The following TTLL11 variants were observed in gnomAD, a reference collection of about 807,000 sequenced individuals.
The protein encoded by TTLL11 is tubulin polyglutamylase TTLL11.
In TTLL11, 42 loss-of-function variants were observed where a neutral mutation model predicts 51.7. That is an observed-to-expected ratio of 0.81 (90% CI 0.64 to 1.05). TTLL11 has a LOEUF of 1.05. Among genes scored for constraint, TTLL11 ranks in the 50% least tolerant of loss-of-function variants. TTLL11 has a pLI of 0.00. For synonymous variants in TTLL11, 381 were observed against 383.5 expected (o/e 0.99, Z 0.08); for missense variants, 799 against 940.4 (o/e 0.85, Z 1.97).
chr9:121,978,708 G>A (rs946174187), intron 4 of TTLL11, among the ~76,000 whole-genome samples: 5 of 152,092 alleles, frequency 3.3e-5, no homozygotes, highest in East Asian at 3.9e-4. Flanking sequence ...CTTCATTCCC[G>A]ACCTCTAGAA....
In TTLL11 at chr9:121,899,365, G is replaced by GTGTATATATATACATATATA. The variant is rs1226221957; in HGVS notation, c.1482-28618_1482-28617insTATATATGTATATATATACA. Among the ~76,000 whole-genome samples the GTGTATATATATACATATATA allele has an allele frequency of 5.8e-3, 647 of 112,332 alleles. 10 individuals are homozygous for GTGTATATATATACATATATA. The highest frequency in any genetic ancestry group is 7.9e-3 in the Non-Finnish European group (434 of 55,024). 73.7% of individuals were successfully genotyped at this position (112,332 alleles called of 152,430 possible). On this transcript the variant is annotated intron_variant, in intron 6 of 8. Coordinates refer to ENST00000321582, the MANE Select transcript of TTLL11 (RefSeq NM_001139442.2). ...TCTGTGTGTGTGTGTATGTGTGTGTGTATATATATATACATATATATATAT... is the reference window on the plus strand; with the variant it reads ...TCTGTGTGTGTGTGTATGTGTGTGTGTGTATATATATACATATATATATATATATATACATATATATATAT...
intron 8 of TTLL11, among the ~76,000 whole-genome samples, chr9:121,839,307 G>A (rs772401425): frequency 9.9e-5 from 15 of 152,200 alleles, no homozygotes; most frequent in Admixed American, 3.3e-4. Flanking sequence ...AGTGCCTGGC[G>A]TGTAGGGGCG....
chr9:121,835,873 G>A (rs143720843), intron 8 of TTLL11, among the ~76,000 whole-genome samples: 7 of 152,268 alleles, frequency 4.6e-5, no homozygotes, highest in South Asian at 2.1e-4. Context: ...GACATTTCTC[G>A]AGAGATTAAT....
At chr9:122,038,535 G>A (rs1224857020) in intron 2 of TTLL11, among the ~76,000 whole-genome samples, 4 of 152,172 alleles carry the variant, frequency 2.6e-5, no homozygotes, top group African/African-American at 9.7e-5. Context: ...TGTAATCCCA[G>A]CTACTCGGAA....
At chr9:121,937,554 G>A (rs537029537) in intron 6 of TTLL11, among the ~76,000 whole-genome samples, 14 of 152,144 alleles carry the variant, frequency 9.2e-5, no homozygotes, top group Admixed American at 3.3e-4. Flanking sequence ...TTGGAGTCTA[G>A]AGATTCCCCT....
chr9:122,007,398 C>A (rs965404343), intron 3 of TTLL11, among the ~76,000 whole-genome samples: 5 of 151,306 alleles, frequency 3.3e-5, no homozygotes, highest in Non-Finnish European at 5.9e-5. Context: ...TCACTTGAAC[C>A]CGGGAGGCAG....
At chr9:122,031,672 A>G in intron 3 of TTLL11, 51 bp downstream of exon 3, 3 of 1,592,374 alleles carry the variant, frequency 1.9e-6, no homozygotes, top group Non-Finnish European at 2.6e-6. Flanking sequence ...CCCAGGACAC[A>G]GTTGCAAGCA....
intron 3 of TTLL11, among the ~76,000 whole-genome samples, chr9:122,019,098 T>C (rs1844088436): frequency 6.6e-6 from 1 of 152,150 alleles, no homozygotes; most frequent in African/African-American, 2.4e-5. Flanking sequence ...CACCCTCAAT[T>C]CTATCAGTCT....
rs1489671195 is a variant in TTLL11 at position 122,080,907 on chromosome 9, T to G, written c.462+11780A>C. ...AAATGTTTAAATTATAATGTGGACA[T>G]TAATGTTAATGATACAATAAAATTG... On this transcript the variant is annotated intron_variant, in intron 1 of 8. Coordinates refer to ENST00000321582, the MANE Select transcript of TTLL11 (RefSeq NM_001139442.2). 2.0e-5 allele frequency among the ~76,000 whole-genome samples: 3 copies of G among 152,224 alleles called. No individual in the cohort carries two copies. The East Asian group carries it at 5.8e-4, about 29-fold the overall frequency.
At chr9:121,843,319 T>C (rs959867537) in intron 8 of TTLL11, among the ~76,000 whole-genome samples, 10 of 152,204 alleles carry the variant, frequency 6.6e-5, no homozygotes, top group Admixed American at 6.5e-4. Flanking sequence ...CATTGAGACC[T>C]GTGAATATAG....
At chr9:122,035,065 G>A (rs1200231778) in intron 2 of TTLL11, among the ~76,000 whole-genome samples, 2 of 152,148 alleles carry the variant, frequency 1.3e-5, no homozygotes, top group Non-Finnish European at 2.9e-5. Flanking sequence ...TTTGCTCCTG[G>A]AGCCTGAGTG....
At chr9:121,847,035 C>A (rs894793390) in intron 8 of TTLL11, among the ~76,000 whole-genome samples, 1 of 151,922 alleles carries the variant, frequency 6.6e-6, no homozygotes. Flanking sequence ...AAGGTGAAAC[C>A]CCATCTCTAC....
chr9:121,994,619 G>A (rs935113900), intron 3 of TTLL11, among the ~76,000 whole-genome samples: 2 of 152,202 alleles, frequency 1.3e-5, no homozygotes, highest in African/African-American at 4.8e-5. Flanking sequence ...AATGAGAGAT[G>A]TATGAGAAGG....
At chr9:122,084,509 G>A (rs1375177431) in intron 1 of TTLL11, among the ~76,000 whole-genome samples, 5 of 152,122 alleles carry the variant, frequency 3.3e-5, no homozygotes, top group Non-Finnish European at 7.4e-5. Flanking sequence ...CCTCTGTGGA[G>A]GAATCTCAGG....
chr9:122,042,924 C>T (rs141193390), intron 1 of TTLL11, among the ~76,000 whole-genome samples: 1 of 152,116 alleles, frequency 6.6e-6, no homozygotes, highest in Non-Finnish European at 1.5e-5. Context: ...CAGTATTTGC[C>T]AGGGGCCCGA....
Position 121,860,412 on chromosome 9 carries a change from T to C in TTLL11, c.1765A>G (p.Met589Val). The C allele has an allele frequency of 1.3e-6, 2 of 1,551,358 alleles. No homozygotes were observed. Among genetic ancestry groups the C allele is most frequent in the African/African-American group, 1.4e-5 (1 of 73,174 alleles). The change falls in exon 8 of 9, where the codon ATG becomes GTG. Residue 589 changes from methionine (M) to valine (V), a missense_variant. Around this residue, in one of 3 missense-constraint regions of TTLL11, gnomAD observed 165 missense variants for 166.1 expected, o/e 0.99. Coordinates refer to ENST00000321582, the MANE Select transcript of TTLL11 (RefSeq NM_001139442.2). ...ATGTAGAGGATGTCCACGGCAGCCA[T>C]GGACAGGCTGCTGCTGCTGAGTTTG... is the stretch of plus-strand genomic sequence containing the variant. ...SCKLSSSSLS[M>V]AAVDILYIDI...
chr9:122,073,532 AC>A (rs890418690), intron 1 of TTLL11, among the ~76,000 whole-genome samples: 2 of 152,226 alleles, frequency 1.3e-5, no homozygotes, highest in Non-Finnish European at 2.9e-5. Flanking sequence ...AGGAGCATCA[AC>A]CCAAGGTGGG....
At chr9:121,999,103 G>A (rs1037150081) in intron 3 of TTLL11, among the ~76,000 whole-genome samples, 1 of 152,138 alleles carries the variant, frequency 6.6e-6, no homozygotes, top group Non-Finnish European at 1.5e-5. Context: ...GCTATCACTG[G>A]AAGAGCCTTA....
At chr9:122,028,689 A>G (rs1313294592) in intron 3 of TTLL11, among the ~76,000 whole-genome samples, 1 of 152,208 alleles carries the variant, frequency 6.6e-6, no homozygotes, top group East Asian at 1.9e-4. Context: ...ATTGACACTT[A>G]TAAGATGCTA....
Sources: gnomAD v4.1 joint callset for allele counts (sites outside exome capture counted in the v4.1 genomes callset) on GRCh38, gnomAD v4.1.1 for gene constraint, gnomAD v4.1.1 regional missense constraint, MANE v1.5 for transcripts, NCBI Gene and HGNC (gene_info 2026-07-23, HGNC 2026-07-21) for gene names.